Variants in ABI3BP observed in about 807,000 individuals in gnomAD.
ABI3BP encodes ABI family member 3 binding protein, also known as target of Nesh-SH3.
A neutral mutation model predicts 268.6 loss-of-function variants in ABI3BP; 216 were observed. The ratio of observed to expected loss-of-function variants is 0.80; its 90% confidence interval spans 0.72 to 0.90. The LOEUF (loss-of-function observed/expected upper bound fraction) is 0.90. Ranked by LOEUF, ABI3BP falls within the 40% of genes least tolerant of loss-of-function variation. The probability of loss-of-function intolerance (pLI) is 0.00; values close to 1 mark genes in which losing one functional copy is unlikely to be tolerated. For missense variants in ABI3BP, 2,090 were observed against 2,182.4 expected, an observed-to-expected ratio of 0.96 and a Z score of 0.84; for synonymous variants, 730 against 730.0, an observed-to-expected ratio of 1.00 and a Z score of 0.00.
intron 63 of ABI3BP, among the ~76,000 whole-genome samples, chr3:100,765,628 A>C (rs1294996466): frequency 6.6e-6 from 1 of 152,220 alleles, no homozygotes; most frequent in African/African-American, 2.4e-5. Context: ...AATTAACAAG[A>C]CCACCTTGTC....
intron 1 of ABI3BP, among the ~76,000 whole-genome samples, chr3:100,940,666 T>C (rs1359820170): frequency 6.7e-6 from 1 of 149,728 alleles, no homozygotes; most frequent in Non-Finnish European, 1.5e-5. Context: ...TGCCTCTTAA[T>C]TCTGCTATTA....
intron 42 of ABI3BP, among the ~76,000 whole-genome samples, chr3:100,817,103 T>A (rs6769874): frequency 0.035 from 5,288 of 152,224 alleles, 305 homozygotes; most frequent in African/African-American, 0.12. Flanking sequence ...TTAGTCAGTT[T>A]AGATATGATA....
intron 39 of ABI3BP, 27 bp from the exon 40 acceptor site, chr3:100,820,330 A>T (rs1222905481): frequency 3.0e-5 from 45 of 1,523,442 alleles, no homozygotes; most frequent in Non-Finnish European, 4.0e-5. Context: ...TTTAGTTACT[A>T]CAGAGTCCGT....
intron 21 of ABI3BP, 120 bp downstream of exon 21, chr3:100,841,878 A>G (rs1358759403): frequency 5.4e-5 from 46 of 844,154 alleles, no homozygotes; most frequent in Middle Eastern, 3.6e-4. Context: ...CAAAAAAACG[A>G]GAGTGAAACT....
At chr3:100,792,606 G>A (rs2097226870) in intron 55 of ABI3BP, 85 bp downstream of exon 55, 1 of 1,388,106 alleles carries the variant, frequency 7.2e-7, no homozygotes, top group Non-Finnish European at 1.0e-6. Context: ...ACTGTGTTGA[G>A]AAATGACATT....
At chr3:100,760,343 G>A (rs1272694763) in intron 63 of ABI3BP, among the ~76,000 whole-genome samples, 2 of 152,180 alleles carry the variant, frequency 1.3e-5, no homozygotes, top group South Asian at 2.1e-4. Flanking sequence ...GAGAAGAGTA[G>A]GATTAAAGGG....
At chr3:100,936,715 T>C (rs1452731173) in intron 1 of ABI3BP, among the ~76,000 whole-genome samples, 1 of 152,158 alleles carries the variant, frequency 6.6e-6, no homozygotes, top group Non-Finnish European at 1.5e-5. Flanking sequence ...GGGAGGGTTA[T>C]GTGTCCAGAA....
rs542871508 is a variant in ABI3BP at position 100,866,107 on chromosome 3, C to T, written c.988+772G>A. Reference sequence around the variant, plus strand: ...GAGTCCAGAAGTTTAGTAAAAGGTACATCATCAATATTTCAAGTTATAGGA... The same window carrying T: ...GAGTCCAGAAGTTTAGTAAAAGGTATATCATCAATATTTCAAGTTATAGGA... On this transcript the variant is annotated intron_variant, in intron 10 of 67. Coordinates refer to ENST00000471714, the MANE Select transcript of ABI3BP (RefSeq NM_001375547.2). 2.0e-5 allele frequency among the ~76,000 whole-genome samples: 3 copies of T among 152,256 alleles called. No individual in the cohort carries two copies. The East Asian group carries it at 5.8e-4, about 29-fold the overall frequency.
intron 39 of ABI3BP, 39 bp downstream of exon 39, chr3:100,821,015 A>T: frequency 6.7e-7 from 1 of 1,500,018 alleles, no homozygotes; most frequent in Non-Finnish European, 9.0e-7. Flanking sequence ...TGACGATGAG[A>T]AGGAAGAACA....
At chr3:100,880,695 C>A (rs1310401146) in intron 6 of ABI3BP, among the ~76,000 whole-genome samples, 1 of 152,088 alleles carries the variant, frequency 6.6e-6, no homozygotes, top group Non-Finnish European at 1.5e-5. Context: ...TTTAGAAATA[C>A]CCACAGTAGC....
In ABI3BP at chr3:100,750,022, CCTT is replaced by C. The variant is rs530240342; in HGVS notation, c.*470_*472del. The C allele has an allele frequency of 8.5e-5, 26 of 307,386 alleles. No individual in the cohort carries two copies. Among genetic ancestry groups the C allele is most frequent in the Non-Finnish European group, 1.5e-4 (26 of 170,248 alleles). 19.0% of individuals were successfully genotyped at this position (307,386 alleles called of 1,614,324 possible). Reference sequence around the variant, plus strand: ...TTAAATATAAATGTGAAAATTCGGACCTTTTTTCCCCAGATATACATGCTGAAG... The same window carrying C: ...TTAAATATAAATGTGAAAATTCGGACTTTTCCCCAGATATACATGCTGAAG... On this transcript the variant is annotated 3_prime_UTR_variant, in exon 68 of 68. Transcript: ENST00000471714.
intron 39 of ABI3BP, 139 bp downstream of exon 39, chr3:100,820,915 T>C (rs1297422867): frequency 1.3e-6 from 1 of 770,706 alleles, no homozygotes; most frequent in Non-Finnish European, 2.1e-6. Context: ...TCAATACTTT[T>C]AGGATGAAGA....
At chr3:100,813,519 CAAA>C (rs749304463) in intron 45 of ABI3BP, 139 bp downstream of exon 45, 23 of 580,182 alleles carry the variant, frequency 4.0e-5, no homozygotes, top group Non-Finnish European at 6.4e-5. Context: ...TATGGAATCA[CAAA>C]AAAGAGCATT....
At position 100,829,635 on chromosome 3, in the gene ABI3BP, G is replaced by A. The variant is rs936197138; in HGVS notation, c.2488C>T (p.Pro830Ser). The change falls in exon 33 of 68, where the codon CCA becomes TCA. Residue 830 changes from proline (P) to serine (S), a missense_variant. By Grantham distance (74) the Pro-to-Ser change is moderately conservative. Coordinates refer to ENST00000471714, the MANE Select transcript of ABI3BP (RefSeq NM_001375547.2). The stretch of plus-strand genomic sequence containing the variant: ...AGTGTGGTTTTAGGTTTGGGATGTG[G>A]ACGATGAGTTCGTTGAGGCACTTTG... Reference protein sequence around the residue: ...APKVPQRTHRPHPKPKTTLSP... With the variant: ...APKVPQRTHRSHPKPKTTLSP... 6.5e-7 allele frequency: 1 copy of A among 1,535,746 alleles called. No homozygotes were observed. Among genetic ancestry groups the A allele is most frequent in the Admixed American group, 2.0e-5 (1 of 50,972 alleles).
chr3:100,861,280 A>G (rs1041254095), intron 14 of ABI3BP, among the ~76,000 whole-genome samples: 26 of 152,146 alleles, frequency 1.7e-4, no homozygotes, highest in Admixed American at 1.7e-3. Flanking sequence ...TGAGCCCATT[A>G]CATATACTAG....
Position 100,759,219 on chromosome 3 carries a change from T to C in ABI3BP, c.4851-4528A>G, listed in dbSNP as rs999951820. The stretch of plus-strand genomic sequence containing the variant: ...TTACCCCTAGTGTAGTCGTGAAATA[T>C]TTGATCCCCATTCAGGTGAAGGTTC... On this transcript the variant is annotated intron_variant, in intron 63 of 67. Transcript: ENST00000471714. Among the ~76,000 whole-genome samples, 8 of 152,088 alleles carry C rather than the reference T, an allele frequency of 5.3e-5. No individual in the cohort carries two copies. The South Asian group carries it at 1.2e-3, about 24-fold the overall frequency.
chr3:100,801,436 A>G (rs148665122), intron 51 of ABI3BP, among the ~76,000 whole-genome samples: 1,609 of 145,454 alleles, frequency 0.011, 97 homozygotes, highest in Admixed American at 0.089. Context: ...AAAAAAAAAA[A>G]AAAAGAAAAG....
intron 63 of ABI3BP, among the ~76,000 whole-genome samples, chr3:100,759,552 C>G (rs1000263131): frequency 1.1e-4 from 17 of 152,174 alleles, no homozygotes; most frequent in African/African-American, 4.1e-4. Context: ...TGTTCCCCCA[C>G]TTCTGTGGGG....
At chr3:100,755,863 T>G (rs1168658654) in intron 63 of ABI3BP, among the ~76,000 whole-genome samples, 1 of 152,160 alleles carries the variant, frequency 6.6e-6, no homozygotes, top group East Asian at 1.9e-4. Flanking sequence ...ATTTCGTCTT[T>G]GAGAAGTTTA....
Sources: allele counts gnomAD v4.1 joint callset (sites outside exome capture counted in the v4.1 genomes callset), GRCh38; gene constraint gnomAD v4.1.1; transcripts MANE v1.5; gene names NCBI Gene and HGNC (gene_info 2026-07-23, HGNC 2026-07-21).